BRD10: variants seen among roughly 807,000 people sequenced by gnomAD.
BRD10 encodes the protein bromodomain containing 10.
At chr9:5,904,804 C>T in the BRD10 span, among the ~76,000 whole-genome samples, 4 of 148,838 alleles carry the variant, frequency 2.7e-5, no homozygotes, top group Non-Finnish European at 4.5e-5. Context: ...GACGGAGTCT[C>T]ACTCCGTTGC....
the BRD10 span, among the ~76,000 whole-genome samples, chr9:5,885,527 C>T: frequency 6.6e-6 from 1 of 152,052 alleles, no homozygotes; most frequent in Non-Finnish European, 1.5e-5. Flanking sequence ...TGCACCACCA[C>T]GCCCGGCTAA....
chr9:5,910,516 C>A, the BRD10 span: 1 of 152,292 alleles, frequency 6.6e-6, no homozygotes, highest in African/African-American at 2.4e-5. Context: ...GGTACCTCCT[C>A]CCCTCACCAC....
the BRD10 span, among the ~76,000 whole-genome samples, chr9:5,949,222 A>G: frequency 4.0e-4 from 61 of 152,298 alleles, no homozygotes; most frequent in Middle Eastern, 3.4e-3. Flanking sequence ...TTAAACTAAC[A>G]GAGGTAAAAT....
chr9:5,915,698 C>G, the BRD10 span, among the ~76,000 whole-genome samples: 1 of 152,106 alleles, frequency 6.6e-6, no homozygotes, highest in Non-Finnish European at 1.5e-5. Context: ...CTGGAAACTC[C>G]CTGCTAAATT....
the BRD10 span, among the ~76,000 whole-genome samples, chr9:5,883,941 C>T: frequency 3.3e-5 from 5 of 152,318 alleles, no homozygotes; most frequent in East Asian, 9.6e-4. Flanking sequence ...GCCTCACCCT[C>T]CCTGAGAGAA....
At chr9:5,987,230 C>CT in the BRD10 span, among the ~76,000 whole-genome samples, 33 of 152,052 alleles carry the variant, frequency 2.2e-4, no homozygotes, top group African/African-American at 8.0e-4. Flanking sequence ...TTTGACTTAT[C>CT]TTTGTCTCTT....
At chr9:5,887,701 C>CTTA in the BRD10 span, among the ~76,000 whole-genome samples, 1 of 152,182 alleles carries the variant, frequency 6.6e-6, no homozygotes, top group African/African-American at 2.4e-5. Flanking sequence ...ACACAAGGGG[C>CTTA]TTATATCCTT....
the BRD10 span, among the ~76,000 whole-genome samples, chr9:5,978,628 G>A: frequency 1.3e-5 from 2 of 152,134 alleles, no homozygotes; most frequent in Admixed American, 6.6e-5. Flanking sequence ...TTAAGGATTA[G>A]TAGGGAGCTT....
the BRD10 span, among the ~76,000 whole-genome samples, chr9:5,908,126 G>C: frequency 6.6e-6 from 1 of 152,160 alleles, no homozygotes; most frequent in African/African-American, 2.4e-5. Context: ...ATGGGCAAGC[G>C]AGTTAACCTC....
At chr9:5,896,290 A>T in the BRD10 span, among the ~76,000 whole-genome samples, 2 of 152,222 alleles carry the variant, frequency 1.3e-5, no homozygotes, top group Non-Finnish European at 1.5e-5. Flanking sequence ...GCCTGGCACA[A>T]ATTGGTGCTC....
the BRD10 span, chr9:5,921,250 T>A: frequency 6.2e-7 from 1 of 1,614,014 alleles, no homozygotes; most frequent in Non-Finnish European, 8.5e-7. Flanking sequence ...TATTTACAAT[T>A]GCTTGACCTA....
the BRD10 span, among the ~76,000 whole-genome samples, chr9:5,916,798 C>G: frequency 0.053 from 8,049 of 152,114 alleles, 249 homozygotes; most frequent in Middle Eastern, 0.078. Context: ...TATCATGAAT[C>G]TTTTCAGGTG....
chr9:5,953,964 G>T, the BRD10 span: 2 of 1,020,614 alleles, frequency 2.0e-6, no homozygotes, highest in Non-Finnish European at 3.0e-6. Context: ...GGAATGATAT[G>T]AACACTGAAA....
the BRD10 span, among the ~76,000 whole-genome samples, chr9:5,994,304 G>A: frequency 6.6e-6 from 1 of 151,864 alleles, no homozygotes; most frequent in African/African-American, 2.4e-5. Context: ...ATGCATAATC[G>A]AAGGTATATA....
At chr9:5,961,323 G>T in the BRD10 span, among the ~76,000 whole-genome samples, 377 of 152,262 alleles carry the variant, frequency 2.5e-3, 1 homozygote, top group African/African-American at 8.8e-3. Flanking sequence ...CCTTAAGCAA[G>T]TGATAAAAGA....
At chr9:5,985,597 C>A in the BRD10 span, among the ~76,000 whole-genome samples, 1 of 152,080 alleles carries the variant, frequency 6.6e-6, no homozygotes, top group Non-Finnish European at 1.5e-5. Flanking sequence ...ACCATCCTGA[C>A]CAACATGGAG....
the BRD10 span, among the ~76,000 whole-genome samples, chr9:5,952,000 C>CTTAA: frequency 7.8e-6 from 1 of 127,914 alleles, no homozygotes; most frequent in Admixed American, 8.1e-5. Context: ...CAGGAAGAGA[C>CTTAA]TTATTTATTT....
the BRD10 span, among the ~76,000 whole-genome samples, chr9:5,915,192 T>C: frequency 6.6e-6 from 1 of 152,116 alleles, no homozygotes; most frequent in Admixed American, 6.5e-5. Flanking sequence ...TCTCAACAGT[T>C]TCTGTCTCAT....
At chr9:5,921,480 A>G in the BRD10 span, 3 of 1,613,936 alleles carry the variant, frequency 1.9e-6, no homozygotes, top group Non-Finnish European at 2.5e-6. Flanking sequence ...ATAAAAACTA[A>G]TTTCTGGGCA....
Sources: allele counts gnomAD v4.1 joint callset (sites outside exome capture counted in the v4.1 genomes callset), GRCh38; gene constraint gnomAD v4.1.1; transcripts MANE v1.5; gene names NCBI Gene and HGNC (gene_info 2026-07-23, HGNC 2026-07-21).